The following HMMR variants were observed in gnomAD, a reference collection of about 807,000 sequenced individuals.
HMMR encodes hyaluronan mediated motility receptor, also known as intracellular hyaluronic acid-binding protein.
Under a neutral mutation model 101.0 loss-of-function variants are expected in HMMR, and 108 were observed. That is an observed-to-expected ratio of 1.07 (90% CI 0.92 to 1.25). HMMR has a LOEUF of 1.25. Ranked by LOEUF, HMMR falls within the 50% of genes most tolerant of loss-of-function variation. The pLI is 0.00. For synonymous variants in HMMR, 296 were observed against 276.4 expected, an observed-to-expected ratio of 1.07 and a Z score of -0.70; for missense variants, 813 against 788.7, an observed-to-expected ratio of 1.03 and a Z score of -0.37.
rs1178087165 is a variant in HMMR at position 163,464,820 on chromosome 5, G to A, written c.225+18G>A. The A allele has an allele frequency of 5.9e-6, 9 of 1,514,040 alleles. No individual in the cohort carries two copies. The highest frequency in any genetic ancestry group is 1.4e-5 in the African/African-American group (1 of 72,734). The allele number at this position is 1,514,040 out of a possible 1,614,324, so 93.8% of individuals were successfully genotyped here. On this transcript the variant is annotated intron_variant, in intron 3 of 17. Coordinates refer to ENST00000393915, the MANE Select transcript of HMMR (RefSeq NM_001142556.2). ...AATCAAAGGTGAGGAGCTTTTATAT[G>A]CCAGCTGGTTTATCAAGTGTATCAT...
chr5:163,481,403 C>A (rs1039229302), intron 12 of HMMR, among the ~76,000 whole-genome samples: 1 of 151,948 alleles, frequency 6.6e-6, no homozygotes, highest in Non-Finnish European at 1.5e-5. Context: ...TTTATCTATT[C>A]TGTGATTTTA....
intron 12 of HMMR, 142 bp downstream of exon 12, chr5:163,478,942 A>G: frequency 1.8e-6 from 1 of 565,914 alleles, no homozygotes; most frequent in South Asian, 2.2e-5. Flanking sequence ...GTAAGTGGGC[A>G]TTTAGCATTA....
At chr5:163,471,993 T>C (rs996823339) in intron 7 of HMMR, among the ~76,000 whole-genome samples, 2 of 152,114 alleles carry the variant, frequency 1.3e-5, no homozygotes, top group East Asian at 3.9e-4. Flanking sequence ...CCATAACTAC[T>C]TTCTCACTTA....
intron 16 of HMMR, among the ~76,000 whole-genome samples, chr5:163,484,523 A>G (rs1169633603): frequency 6.6e-6 from 1 of 152,218 alleles, no homozygotes; most frequent in Non-Finnish European, 1.5e-5. Flanking sequence ...GCAAAACTGC[A>G]AACTCCTTGA....
rs181232962 is a variant in HMMR, at chr5:163,481,145, A to C, written c.1386-1497A>C. ...TTTCCCTATGGACAACCAACTGCCT[A>C]GTTTAATTTAATTCATTAAATTGTA... On this transcript the variant is annotated intron_variant, in intron 12 of 17. Transcript: ENST00000393915. Among the ~76,000 whole-genome samples the C allele has an allele frequency of 3.8e-3, 576 of 152,134 alleles. 3 individuals carry two copies. Among genetic ancestry groups the C allele is most frequent in the African/African-American group, 0.013 (551 of 41,556 alleles).
intron 4 of HMMR, among the ~76,000 whole-genome samples, chr5:163,468,056 T>C (rs143839251): frequency 4.6e-5 from 7 of 152,256 alleles, no homozygotes; most frequent in African/African-American, 1.7e-4. Context: ...CTATCCATCG[T>C]TCACAGTCTT....
chr5:163,478,785 C>T lies in HMMR; in HGVS notation c.1370C>T (p.Thr457Ile). Residue 457 changes from threonine (T) to isoleucine (I), a missense_variant, in exon 12 of 18, where the codon ACT (threonine) becomes ATT (isoleucine). Coordinates refer to ENST00000393915, the MANE Select transcript of HMMR (RefSeq NM_001142556.2). ...DSMVQSLEDV[T>I]AQFESYKALT... is the part of the protein sequence containing the mutation. The stretch of plus-strand genomic sequence containing the variant: ...ATGGTGCAAAGCCTTGAAGATGTTA[C>T]TGCTCAATTTGAAAGGTATTTTTCT... The T allele has an allele frequency of 3.8e-6, 6 of 1,594,174 alleles. No individual in the cohort carries two copies. The highest frequency in any genetic ancestry group is 5.2e-6 in the Non-Finnish European group (6 of 1,161,812).
Position 163,475,529 on chromosome 5 carries a change from T to A in HMMR, c.1125T>A (p.Phe375Leu). ...AAATGGTTAAAGAGAAGAATCTGTT[T>A]GAGGAAGAATTAAAGCAAACACTGG... ...QEEMVKEKNL[F>L]EEELKQTLDE... The change falls in exon 11 of 18, where the codon TTT becomes TTA. Residue 375 changes from phenylalanine (F) to leucine (L), a missense_variant. Phe to Leu is a conservative substitution (Grantham distance 22, BLOSUM62 0). Transcript: ENST00000393915. 1 of 1,610,296 alleles carries A rather than the reference T, an allele frequency of 6.2e-7. No homozygotes were observed. Among genetic ancestry groups the A allele is most frequent in the Non-Finnish European group, 8.5e-7 (1 of 1,177,084 alleles).
intron 16 of HMMR, among the ~76,000 whole-genome samples, chr5:163,489,026 C>A (rs540447978): frequency 6.6e-6 from 1 of 152,146 alleles, no homozygotes; most frequent in Non-Finnish European, 1.5e-5. Flanking sequence ...TTCCACAGAC[C>A]GGATCACCCA....
Position 163,483,975 on chromosome 5 carries a change from G to C in HMMR, c.1786-94G>C. ...ATGTGAACATACCTTGTTTTCATTT[G>C]TGTTTTTAATTTTCTTTAGTGTTTA... On this transcript the variant is annotated intron_variant, in intron 15 of 17. Coordinates refer to ENST00000393915, the MANE Select transcript of HMMR (RefSeq NM_001142556.2). 4.4e-6 allele frequency: 3 copies of C among 676,478 alleles called. No individual in the cohort carries two copies. In the South Asian group the frequency reaches 5.9e-5, roughly 13 times the overall value. 41.9% of individuals were successfully genotyped at this position (676,478 alleles called of 1,614,324 possible).
Position 163,491,776 on chromosome 5 carries a change from C to T in HMMR, c.*612C>T, listed in dbSNP as rs1008781535. 6.6e-5 allele frequency: 10 copies of T among 152,326 alleles called. No homozygotes were observed. Among genetic ancestry groups the T allele is most frequent in the Middle Eastern group, 3.4e-3 (1 of 294 alleles). 9.4% of individuals were successfully genotyped at this position (152,326 alleles called of 1,614,324 possible). A position where few individuals can be genotyped will look rare whatever the true frequency, so the allele number is the denominator to read the frequency against. The stretch of plus-strand genomic sequence containing the variant: ...TTGGCCTTTAAGCCTGCATTCTTAA[C>T]AAACTCTTCAGTTAATTCTTAGATA... On this transcript the variant is annotated 3_prime_UTR_variant, in exon 18 of 18. Coordinates refer to ENST00000393915, the MANE Select transcript of HMMR (RefSeq NM_001142556.2).
chr5:163,466,200 G>A (rs1481934095), intron 3 of HMMR, among the ~76,000 whole-genome samples: 1 of 151,864 alleles, frequency 6.6e-6, no homozygotes, highest in East Asian at 1.9e-4. Flanking sequence ...TAGGGAGGCA[G>A]AGGTTGCAGT....
chr5:163,475,570 T>C lies in HMMR; in HGVS notation c.1166T>C (p.Leu389Ser), dbSNP rs553941544. 2 of 1,612,316 alleles carry C rather than the reference T, an allele frequency of 1.2e-6. No homozygotes were observed. Among genetic ancestry groups the C allele is most frequent in the Non-Finnish European group, 1.7e-6 (2 of 1,178,624 alleles). ...CAAACACTGGATGAGCTTGATAAATTACAGCAAAAGGAGGAACAAGCTGAA... is the reference window on the plus strand; with the variant it reads ...CAAACACTGGATGAGCTTGATAAATCACAGCAAAAGGAGGAACAAGCTGAA... ...LKQTLDELDK[L>S]QQKEEQAERL... is the part of the protein sequence containing the mutation. The change falls in exon 11 of 18, where the codon TTA (leucine) becomes TCA (serine). Residue 389 changes from leucine (L) to serine (S), a missense_variant. Transcript: ENST00000393915.
intron 11 of HMMR, among the ~76,000 whole-genome samples, chr5:163,476,424 A>G (rs1759071173): frequency 2.0e-5 from 3 of 152,224 alleles, no homozygotes; most frequent in Admixed American, 6.5e-5. Context: ...AGTGTAAGTT[A>G]TACCTTTAAT....
intron 13 of HMMR, 46 bp downstream of exon 13, chr5:163,482,834 T>C (rs1356248185): frequency 1.9e-6 from 3 of 1,551,272 alleles, no homozygotes; most frequent in South Asian, 1.1e-5. Context: ...GACAATTTAA[T>C]GTTGAAAGCC....
At chr5:163,464,550 G>A (rs528133951) in intron 2 of HMMR, among the ~76,000 whole-genome samples, 173 bp from the exon 3 acceptor site, 1 of 152,268 alleles carries the variant, frequency 6.6e-6, no homozygotes, top group East Asian at 1.9e-4. Flanking sequence ...GGAGGCAGAG[G>A]TTGCAGTGGG....
chr5:163,482,860 C>T (rs1215358703), intron 13 of HMMR, 72 bp downstream of exon 13: 1 of 1,453,096 alleles, frequency 6.9e-7, no homozygotes, highest in East Asian at 2.3e-5. Context: ...GTAACTGTCC[C>T]TTGGCTTGCT....
intron 5 of HMMR, among the ~76,000 whole-genome samples, chr5:163,470,975 C>T (rs13170968): frequency 6.6e-6 from 1 of 151,760 alleles, no homozygotes; most frequent in African/African-American, 2.4e-5. Flanking sequence ...GCCTGGACAG[C>T]GGAGCGAGAC....
intron 11 of HMMR, among the ~76,000 whole-genome samples, chr5:163,477,099 T>C (rs1759092637): frequency 6.6e-6 from 1 of 152,222 alleles, no homozygotes; most frequent in Non-Finnish European, 1.5e-5. Flanking sequence ...TCTGCCACAT[T>C]ATGTTTCCTT....
Sources: gnomAD v4.1 joint callset for allele counts (sites outside exome capture counted in the v4.1 genomes callset) on GRCh38, gnomAD v4.1.1 for gene constraint, MANE v1.5 for transcripts, NCBI Gene and HGNC (gene_info 2026-07-23, HGNC 2026-07-21) for gene names.